The following DLG2 variants were observed in gnomAD, a reference collection of about 807,000 sequenced individuals.
DLG2 encodes disks large homolog 2.
Under a neutral mutation model 132.5 loss-of-function variants are expected in DLG2, and 45 were observed. That is an observed-to-expected ratio of 0.34 (90% CI 0.27 to 0.44). The LOEUF is 0.44. Among genes scored for constraint, DLG2 ranks in the 20% least tolerant of loss-of-function variants. The pLI is 1.00. For missense variants in DLG2, 1,045 were observed against 1,196.9 expected (o/e 0.87, Z 1.87); for synonymous variants, 424 against 419.6 (o/e 1.01, Z -0.13).
intron 11 of DLG2, among the ~76,000 whole-genome samples, chr11:84,026,766 T>G (rs1395579952): frequency 6.6e-6 from 1 of 152,066 alleles, no homozygotes; most frequent in Non-Finnish European, 1.5e-5. Flanking sequence ...GAACATAGGC[T>G]TTGGATTCTA....
At chr11:84,669,559 T>C (rs1296482619) in intron 6 of DLG2, among the ~76,000 whole-genome samples, 1 of 152,172 alleles carries the variant, frequency 6.6e-6, no homozygotes, top group African/African-American at 2.4e-5. Flanking sequence ...TTAGCATCTA[T>C]GGTGTAAGAT....
chr11:83,696,983 A>C (rs2082058081), intron 18 of DLG2, among the ~76,000 whole-genome samples: 2 of 152,236 alleles, frequency 1.3e-5, no homozygotes, highest in Admixed American at 1.3e-4. Context: ...GCACCTTCAG[A>C]AAAGCAGATG....
chr11:85,361,914 C>T (rs286043), intron 3 of DLG2, among the ~76,000 whole-genome samples: 148,399 of 152,344 alleles, frequency 0.97, 72,297 homozygotes, highest in South Asian at 0.99. Flanking sequence ...TTTAAGATAC[C>T]GATTCTTCCA....
rs1221676049 is a variant in DLG2 at position 85,377,813 on chromosome 11, G to A, written c.41-92448C>T. On this transcript the variant is annotated intron_variant, in intron 3 of 27. Transcript: ENST00000376104. ...TATATATATATATATATGTGTGTGT[G>A]TGTGTGTGTGTATACATATATATGT... 2.1e-5 allele frequency among the ~76,000 whole-genome samples: 3 copies of A among 141,334 alleles called. No individual in the cohort carries two copies. In the East Asian group the frequency reaches 6.0e-4, roughly 28 times the overall value. 92.7% of individuals were successfully genotyped at this position (141,334 alleles called of 152,430 possible). A position where few individuals can be genotyped will look rare whatever the true frequency, so the allele number is the denominator to read the frequency against.
intron 3 of DLG2, among the ~76,000 whole-genome samples, chr11:85,596,318 G>A (rs1399284191): frequency 6.6e-6 from 1 of 152,162 alleles, no homozygotes; most frequent in Non-Finnish European, 1.5e-5. Context: ...GAACCGGGAG[G>A]CAGAGGCTGC....
intron 5 of DLG2, among the ~76,000 whole-genome samples, chr11:85,148,344 A>C (rs1460212763): frequency 6.6e-6 from 1 of 152,152 alleles, no homozygotes; most frequent in African/African-American, 2.4e-5. Context: ...CTTCCACAAC[A>C]GTTGAACTAA....
At chr11:85,252,538 A>G (rs963407148) in intron 4 of DLG2, among the ~76,000 whole-genome samples, 1 of 152,110 alleles carries the variant, frequency 6.6e-6, no homozygotes, top group African/African-American at 2.4e-5. Context: ...GTGAGCCAAG[A>G]TCACGCCACT....
At chr11:83,865,693 C>T (rs1402109565) in intron 16 of DLG2, among the ~76,000 whole-genome samples, 1 of 152,014 alleles carries the variant, frequency 6.6e-6, no homozygotes, top group East Asian at 1.9e-4. Context: ...AACACATAAA[C>T]ATAAAACCGA....
At chr11:84,439,151 C>G (rs1277853992) in intron 7 of DLG2, among the ~76,000 whole-genome samples, 2 of 152,200 alleles carry the variant, frequency 1.3e-5, no homozygotes, top group Non-Finnish European at 2.9e-5. Flanking sequence ...CACATTTAAT[C>G]TACGTTTATT....
rs17145620 is a variant in DLG2, at chr11:83,570,028, A to G, written c.1941-28170T>C. Among the ~76,000 whole-genome samples, 115 of 152,356 alleles carry G rather than the reference A, an allele frequency of 7.5e-4. 1 individual carries two copies. The highest frequency in any genetic ancestry group is 2.7e-3 in the African/African-American group (113 of 41,590). On this transcript the variant is annotated intron_variant, in intron 19 of 27. Coordinates refer to ENST00000376104, the MANE Select transcript of DLG2 (RefSeq NM_001142699.3). ...TTATCTGCCTTGTCTGTAAAAAAGA[A>G]GTTAAACCTATGGCTGGTCACTTCA...
chr11:84,710,970 T>A (rs756370615), intron 6 of DLG2, among the ~76,000 whole-genome samples: 2 of 147,302 alleles, frequency 1.4e-5, no homozygotes, highest in Non-Finnish European at 3.0e-5. Context: ...AAATATATAA[T>A]GTGTTCATAA....
At chr11:85,429,017 A>G (rs1393417502) in intron 3 of DLG2, among the ~76,000 whole-genome samples, 1 of 152,244 alleles carries the variant, frequency 6.6e-6, no homozygotes, top group Non-Finnish European at 1.5e-5. Flanking sequence ...CAACTAAACT[A>G]GAAAATCTAG....
rs183773083 is a variant in DLG2, at chr11:84,843,876, A to G, written c.357+267785T>C. Among the ~76,000 whole-genome samples the G allele has an allele frequency of 5.3e-5, 8 of 151,400 alleles. No homozygotes were observed. In the East Asian group the frequency reaches 1.6e-3, roughly 29 times the overall value. ...TACAGAAAGCTGACTGTGTGTGTAT[A>G]TACTTATTTCTTTATTTATCTCTAT... On this transcript the variant is annotated intron_variant, in intron 6 of 27. Transcript: ENST00000376104.
intron 19 of DLG2, among the ~76,000 whole-genome samples, chr11:83,588,851 G>A (rs996909627): frequency 1.7e-4 from 26 of 152,258 alleles, no homozygotes; most frequent in Middle Eastern, 3.4e-3. Context: ...ATGCAGAAGC[G>A]TCAGGAGCCG....
At chr11:85,301,800 T>G (rs918740672) in intron 3 of DLG2, among the ~76,000 whole-genome samples, 6 of 152,172 alleles carry the variant, frequency 3.9e-5, no homozygotes, top group Admixed American at 2.6e-4. Context: ...CAGAACCTTA[T>G]CCCTAACAGA....
chr11:83,692,198 A>C (rs2081115843), intron 18 of DLG2: 1 of 152,228 alleles, frequency 6.6e-6, no homozygotes, highest in Admixed American at 6.5e-5. Flanking sequence ...GAAAACAAGC[A>C]AACAAACACC....
intron 6 of DLG2, among the ~76,000 whole-genome samples, chr11:84,834,797 G>GAA (rs5793140): frequency 0.59 from 84,544 of 143,806 alleles, 25,863 homozygotes; most frequent in Middle Eastern, 0.76. Flanking sequence ...TCTTTTCTCA[G>GAA]AAAAAAAAAA....
chr11:83,937,402 G>A (rs2081697594), intron 14 of DLG2, among the ~76,000 whole-genome samples: 1 of 151,664 alleles, frequency 6.6e-6, no homozygotes, highest in South Asian at 2.1e-4. Flanking sequence ...AGCTACTCGG[G>A]GAGGCTGAGG....
intron 3 of DLG2, among the ~76,000 whole-genome samples, chr11:85,301,216 G>GA (rs1382113365): frequency 2.6e-5 from 4 of 151,570 alleles, no homozygotes; most frequent in South Asian, 2.1e-4. Context: ...AAAACAAAAC[G>GA]AAAAAAACAA....
Sources: allele counts gnomAD v4.1 joint callset (sites outside exome capture counted in the v4.1 genomes callset), GRCh38; gene constraint gnomAD v4.1.1; transcripts MANE v1.5; gene names NCBI Gene and HGNC (gene_info 2026-07-23, HGNC 2026-07-21).